Variants in BMPR1B observed in about 807,000 individuals in gnomAD.
The protein encoded by BMPR1B is bone morphogenetic protein receptor type-1B.
BMPR1B carries 12 observed loss-of-function variants against 59.1 expected under a neutral mutation model. The ratio of observed to expected loss-of-function variants is 0.20; its 90% confidence interval spans 0.13 to 0.33. BMPR1B has a LOEUF of 0.33. BMPR1B is among the 10% of genes least tolerant of loss of function. BMPR1B has a pLI of 1.00. For missense variants in BMPR1B, 550 were observed against 610.9 expected, an observed-to-expected ratio of 0.90 and a Z score of 1.05; for synonymous variants, 237 against 207.3, an observed-to-expected ratio of 1.14 and a Z score of -1.23.
intron 1 of BMPR1B, among the ~76,000 whole-genome samples, chr4:94,794,284 C>T (rs1221571942): frequency 6.7e-6 from 1 of 150,308 alleles, no homozygotes; most frequent in Non-Finnish European, 1.5e-5. Flanking sequence ...GAATCCTTTC[C>T]CCATTGCTTG....
chr4:94,978,624 C>CAT, intron 2 of BMPR1B, among the ~76,000 whole-genome samples: 1 of 152,170 alleles, frequency 6.6e-6, no homozygotes. Flanking sequence ...CATGGGAAAT[C>CAT]ATATAATATC....
intron 12 of BMPR1B, among the ~76,000 whole-genome samples, chr4:95,153,006 T>C (rs907344218): frequency 6.6e-6 from 1 of 152,236 alleles, no homozygotes; most frequent in African/African-American, 2.4e-5. Flanking sequence ...GGTCAGTGTT[T>C]AGCCTGCATA....
chr4:95,117,466 G>C (rs1732154249), intron 6 of BMPR1B, among the ~76,000 whole-genome samples: 2 of 152,050 alleles, frequency 1.3e-5, no homozygotes, highest in South Asian at 2.1e-4. Flanking sequence ...CAGCATGACT[G>C]GTTGGAGAAA....
In BMPR1B at chr4:94,819,512, G is replaced by A. The variant is rs575159190; in HGVS notation, c.-182-56319G>A. Among the ~76,000 whole-genome samples the A allele has an allele frequency of 5.3e-5, 8 of 152,258 alleles. No individual in the cohort carries two copies. In the East Asian group the frequency reaches 5.8e-4, roughly 11 times the overall value. ...TGTGTGGGAATTCAGACACTGTGGC[G>A]TAGCCAGTGGAAGTATTTTTAGCCC... is the stretch of plus-strand genomic sequence containing the variant. On this transcript the variant is annotated intron_variant, in intron 1 of 12. Transcript: ENST00000515059.
chr4:95,110,315 T>G (rs1385154320), intron 4 of BMPR1B, among the ~76,000 whole-genome samples: 3 of 151,754 alleles, frequency 2.0e-5, no homozygotes, highest in Admixed American at 6.6e-5. Context: ...TGAGACAATT[T>G]CAAAAAATCT....
intron 2 of BMPR1B, among the ~76,000 whole-genome samples, chr4:94,906,132 C>G (rs918019768): frequency 2.0e-5 from 3 of 151,840 alleles, no homozygotes; most frequent in African/African-American, 7.3e-5. Context: ...ACATTATCTC[C>G]AATGACTCTA....
chr4:94,893,588 T>C (rs1727479420), intron 2 of BMPR1B, among the ~76,000 whole-genome samples: 1 of 151,906 alleles, frequency 6.6e-6, no homozygotes, highest in Admixed American at 6.6e-5. Context: ...TAAAGAGAAA[T>C]TTAAATTGGC....
At chr4:94,950,880 C>T (rs1275226258) in intron 2 of BMPR1B, among the ~76,000 whole-genome samples, 1 of 152,148 alleles carries the variant, frequency 6.6e-6, no homozygotes, top group Admixed American at 6.5e-5. Context: ...TTGGTATGGC[C>T]ATTTTCACAA....
chr4:95,032,796 T>A (rs1724972832), intron 3 of BMPR1B, among the ~76,000 whole-genome samples: 2 of 152,178 alleles, frequency 1.3e-5, no homozygotes, highest in African/African-American at 2.4e-5. Flanking sequence ...ATCCATTGGG[T>A]TGGTTCCACC....
At chr4:94,939,724 T>C (rs563461849) in intron 2 of BMPR1B, among the ~76,000 whole-genome samples, 2 of 152,332 alleles carry the variant, frequency 1.3e-5, no homozygotes, top group Admixed American at 1.3e-4. Context: ...TCATTTGTTC[T>C]TTTGCATTTT....
At chr4:94,942,198 A>G (rs1729544576) in intron 2 of BMPR1B, among the ~76,000 whole-genome samples, 1 of 152,232 alleles carries the variant, frequency 6.6e-6, no homozygotes, top group African/African-American at 2.4e-5. Flanking sequence ...TGGAGTCAGA[A>G]TAATTTTATT....
rs28599821 is a variant in BMPR1B, at chr4:94,928,163, T to C, written c.-113+52263T>C. ...TTTTATTTTATTTTCTGTTTTATTG[T>C]ATTTTTTTTTTTTTTAGAAAGAGAA... On this transcript the variant is annotated intron_variant, in intron 2 of 12. Coordinates refer to ENST00000515059, the MANE Select transcript of BMPR1B (RefSeq NM_001203.3). 7.3e-3 allele frequency among the ~76,000 whole-genome samples: 1,101 copies of C among 151,116 alleles called. 15 individuals are homozygous for C. Among genetic ancestry groups the C allele is most frequent in the African/African-American group, 0.026 (1,054 of 41,240 alleles).
At chr4:94,760,955 A>G (rs1380738390) in intron 1 of BMPR1B, among the ~76,000 whole-genome samples, 1 of 152,226 alleles carries the variant, frequency 6.6e-6, no homozygotes, top group African/African-American at 2.4e-5. Context: ...ATGTCATCAC[A>G]CACATTAATA....
chr4:95,080,147 T>G (rs550125424), intron 3 of BMPR1B, among the ~76,000 whole-genome samples: 1 of 152,208 alleles, frequency 6.6e-6, no homozygotes, highest in Non-Finnish European at 1.5e-5. Context: ...TTAAAACAAA[T>G]CATCTCTTAT....
At chr4:94,964,144 A>G (rs575114177) in intron 2 of BMPR1B, among the ~76,000 whole-genome samples, 9 of 152,182 alleles carry the variant, frequency 5.9e-5, no homozygotes, top group Non-Finnish European at 7.4e-5. Context: ...TTTAGCATAT[A>G]TAAATGCTAC....
At chr4:95,092,618 A>G (rs1730074036) in intron 3 of BMPR1B, among the ~76,000 whole-genome samples, 1 of 152,138 alleles carries the variant, frequency 6.6e-6, no homozygotes, top group Non-Finnish European at 1.5e-5. Context: ...ATATTTGAAT[A>G]TTTTAAAGTC....
intron 1 of BMPR1B, among the ~76,000 whole-genome samples, chr4:94,804,045 A>G (rs1422018118): frequency 6.6e-6 from 1 of 151,564 alleles, no homozygotes; most frequent in Non-Finnish European, 1.5e-5. Flanking sequence ...CGCCCGGCTA[A>G]TTTTTTGTAT....
intron 10 of BMPR1B, among the ~76,000 whole-genome samples, chr4:95,132,655 TC>T: frequency 6.6e-6 from 1 of 150,662 alleles, no homozygotes; most frequent in South Asian, 2.1e-4. Flanking sequence ...TTTCAAGTCT[TC>T]CTATAAAAAA....
At position 95,148,869 on chromosome 4, in the gene BMPR1B, A is replaced by C; in HGVS notation, c.1198A>C (p.Met400Leu). The C allele has an allele frequency of 6.2e-7, 1 of 1,614,058 alleles. No individual in the cohort carries two copies. Residue 400 changes from methionine (M) to leucine (L), a missense_variant, in exon 11 of 13, where the codon ATG (methionine) becomes CTG (leucine). Met to Leu is a conservative substitution (Grantham distance 15). Around this residue, in one of 6 missense-constraint regions of BMPR1B, gnomAD observed 123 missense variants for 164.6 expected, o/e 0.75. Transcript: ENST00000515059. ...CTTCCAGTCTTACATCATGGCTGAC[A>C]TGTATAGTTTTGGCCTCATCCTTTG... ...NHFQSYIMAD[M>L]YSFGLILWEV...
Sources: allele counts gnomAD v4.1 joint callset (sites outside exome capture counted in the v4.1 genomes callset), GRCh38; gene constraint gnomAD v4.1.1; regional missense constraint gnomAD v4.1.1; transcripts MANE v1.5; gene names NCBI Gene and HGNC (gene_info 2026-07-23, HGNC 2026-07-21).